CCSER1: variants seen among roughly 807,000 people sequenced by gnomAD.
CCSER1 encodes serine-rich coiled-coil domain-containing protein 1.
A neutral mutation model predicts 82.0 loss-of-function variants in CCSER1; 41 were observed. The ratio of observed to expected loss-of-function variants is 0.50; its 90% CI spans 0.39 to 0.65. The LOEUF is 0.65. Ranked by LOEUF, CCSER1 falls within the 30% of genes least tolerant of loss-of-function variation. The pLI, the probability that CCSER1 is intolerant of heterozygous loss-of-function variation, is 0.00. For missense variants in CCSER1, 1,119 were observed against 1,064.2 expected (o/e 1.05, Z -0.72); for synonymous variants, 414 against 383.9 (o/e 1.08, Z -0.92).
At chr4:91,398,743 G>C (rs1469860340) in intron 10 of CCSER1, among the ~76,000 whole-genome samples, 1 of 151,704 alleles carries the variant, frequency 6.6e-6, no homozygotes, top group East Asian at 1.9e-4. Context: ...AAGTAAATGA[G>C]CACAGTATAT....
intron 10 of CCSER1, among the ~76,000 whole-genome samples, chr4:91,537,884 A>C (rs1264491014): frequency 6.6e-6 from 1 of 151,976 alleles, no homozygotes; most frequent in Admixed American, 6.6e-5. Context: ...ATGAACTGAT[A>C]TCTTTCCTCA....
chr4:90,447,403 C>T (rs1578508777), intron 4 of CCSER1, among the ~76,000 whole-genome samples: 2 of 151,768 alleles, frequency 1.3e-5, no homozygotes, highest in East Asian at 1.9e-4. Context: ...AGTAGTTCAG[C>T]TGCTACCTTT....
intron 1 of CCSER1, among the ~76,000 whole-genome samples, chr4:90,267,952 A>G (rs1228939469): frequency 6.6e-6 from 1 of 152,194 alleles, no homozygotes; most frequent in Non-Finnish European, 1.5e-5. Context: ...CTGTCAGTAG[A>G]CGCTTCCAAG....
At chr4:91,471,827 G>A (rs1434539100) in intron 10 of CCSER1, among the ~76,000 whole-genome samples, 3 of 151,828 alleles carry the variant, frequency 2.0e-5, no homozygotes, top group African/African-American at 7.3e-5. Flanking sequence ...AAAAGTAGCC[G>A]GGCATAGTGG....
At chr4:90,386,207 G>C (rs115026816) in intron 3 of CCSER1, among the ~76,000 whole-genome samples, 2,235 of 152,238 alleles carry the variant, frequency 0.015, 76 homozygotes, top group African/African-American at 0.05. Context: ...CAAAGCAATT[G>C]TAAGCAAAAA....
chr4:91,318,146 G>A (rs1745957188), intron 10 of CCSER1, among the ~76,000 whole-genome samples: 1 of 151,854 alleles, frequency 6.6e-6, no homozygotes, highest in Admixed American at 6.6e-5. Flanking sequence ...TACTCTGTAT[G>A]GATGTGAGGG....
At chr4:90,873,154 T>G (rs1766781669) in intron 8 of CCSER1, among the ~76,000 whole-genome samples, 1 of 152,080 alleles carries the variant, frequency 6.6e-6, no homozygotes, top group African/African-American at 2.4e-5. Context: ...TCTTTTGTAA[T>G]AAACTTTCTA....
Position 90,932,958 on chromosome 4 carries a change from GAAAGAAAGAAAGAAAGA to G in CCSER1, c.2172+9514_2172+9530del. 5.9e-5 allele frequency among the ~76,000 whole-genome samples: 2 copies of G among 33,866 alleles called. 1 individual carries two copies. The highest frequency in any genetic ancestry group is 4.1e-4 in the African/African-American group (2 of 4,858). 22.2% of individuals were successfully genotyped at this position (33,866 alleles called of 152,430 possible). ...AGAAAGAAAGAAAGAAAGAAAGAAA[GAAAGAAAGAAAGAAAGA>G]AAGAAAGAGAAAGAAAGAAAGAAAG... On this transcript the variant is annotated intron_variant, in intron 9 of 10. Coordinates refer to ENST00000509176, the MANE Select transcript of CCSER1 (RefSeq NM_001145065.2).
chr4:91,124,982 G>A (rs866945603), intron 10 of CCSER1, among the ~76,000 whole-genome samples: 1 of 151,710 alleles, frequency 6.6e-6, no homozygotes, highest in African/African-American at 2.4e-5. Flanking sequence ...TTGTGTAAGT[G>A]AAAGCAAGAT....
At chr4:90,390,768 G>A (rs987237180) in intron 3 of CCSER1, among the ~76,000 whole-genome samples, 1 of 151,972 alleles carries the variant, frequency 6.6e-6, no homozygotes, top group Non-Finnish European at 1.5e-5. Flanking sequence ...ATATCTTTTT[G>A]GTAGAATTAT....
intron 10 of CCSER1, among the ~76,000 whole-genome samples, chr4:91,217,032 G>A (rs955876865): frequency 2.6e-5 from 4 of 152,102 alleles, no homozygotes; most frequent in East Asian, 1.9e-4. Context: ...TTAAGGTGGC[G>A]CGTCGCGAGT....
chr4:90,345,699 C>G (rs1436401561), intron 3 of CCSER1, among the ~76,000 whole-genome samples: 1 of 152,054 alleles, frequency 6.6e-6, no homozygotes, highest in South Asian at 2.1e-4. Flanking sequence ...ATGAACAACA[C>G]ACATGGCCCT....
intron 8 of CCSER1, among the ~76,000 whole-genome samples, chr4:90,820,633 C>T (rs186093443): frequency 1.3e-4 from 19 of 151,960 alleles, no homozygotes; most frequent in Admixed American, 9.2e-4. Context: ...GAATTTGGGG[C>T]GACATACTCA....
chr4:90,713,158 G>A (rs190489693), intron 6 of CCSER1, among the ~76,000 whole-genome samples: 11 of 152,006 alleles, frequency 7.2e-5, no homozygotes, highest in Admixed American at 2.6e-4. Context: ...GGTTAATACC[G>A]TTATGTGTGA....
chr4:90,391,487 C>CAT lies in CCSER1; in HGVS notation c.1510-8548_1510-8547insTA, dbSNP rs1270234370. Among the ~76,000 whole-genome samples, 137 of 49,078 alleles carry CAT rather than the reference C, an allele frequency of 2.8e-3. 2 individuals are homozygous for CAT. The highest frequency in any genetic ancestry group is 0.015 in the African/African-American group (125 of 8,336). 32.2% of individuals were successfully genotyped at this position (49,078 alleles called of 152,430 possible). A position where few individuals can be genotyped will look rare whatever the true frequency, so the allele number is the denominator to read the frequency against. On this transcript the variant is annotated intron_variant, in intron 3 of 10. Coordinates refer to ENST00000509176, the MANE Select transcript of CCSER1 (RefSeq NM_001145065.2). ...ATATATATATATATATATATATATA[C>CAT]ACACACACAGTGGGTAAATATATAT...
intron 10 of CCSER1, among the ~76,000 whole-genome samples, chr4:91,413,517 A>G (rs957819619): frequency 6.6e-6 from 1 of 151,932 alleles, no homozygotes; most frequent in African/African-American, 2.4e-5. Flanking sequence ...AAAAAAAACA[A>G]AAAGAATGAA....
At chr4:91,078,514 G>C (rs1444381645) in intron 9 of CCSER1, among the ~76,000 whole-genome samples, 1 of 152,188 alleles carries the variant, frequency 6.6e-6, no homozygotes, top group Non-Finnish European at 1.5e-5. Flanking sequence ...AAAATCAAAA[G>C]CCTCTTCTCC....
rs1219218344 is a variant in CCSER1, at chr4:91,601,947, T to G, written c.*2890T>G. The G allele has an allele frequency of 1.3e-5, 2 of 152,056 alleles. No homozygotes were observed. The highest frequency in any genetic ancestry group is 4.8e-5 in the African/African-American group (2 of 41,428). The allele number at this position is 152,056 out of a possible 1,614,324, so 9.4% of individuals were successfully genotyped here. A position where few individuals can be genotyped will look rare whatever the true frequency, so the allele number is the denominator to read the frequency against. On this transcript the variant is annotated 3_prime_UTR_variant, in exon 11 of 11. Coordinates refer to ENST00000509176, the MANE Select transcript of CCSER1 (RefSeq NM_001145065.2). The stretch of plus-strand genomic sequence containing the variant: ...AACTCAATGATTTTTTTCCATAAAA[T>G]TATATGCTAAGAGAGTCACCACAAA...
At chr4:91,271,820 T>A (rs35174237) in intron 10 of CCSER1, among the ~76,000 whole-genome samples, 20,011 of 152,140 alleles carry the variant, frequency 0.13, 1,406 homozygotes, top group East Asian at 0.22. Flanking sequence ...AATGGCACCA[T>A]CTCAGCTAAC....
Sources: gnomAD v4.1 joint callset for allele counts (sites outside exome capture counted in the v4.1 genomes callset) on GRCh38, gnomAD v4.1.1 for gene constraint, MANE v1.5 for transcripts, NCBI Gene and HGNC (gene_info 2026-07-23, HGNC 2026-07-21) for gene names.